PTPRD: variants seen among roughly 807,000 people sequenced by gnomAD.
PTPRD encodes protein tyrosine phosphatase receptor type D, also known as receptor-type tyrosine-protein phosphatase delta.
PTPRD carries 34 observed loss-of-function variants against 214.5 expected under a neutral mutation model. The ratio of observed to expected loss-of-function variants is 0.16; its 90% CI spans 0.12 to 0.21. The LOEUF is 0.21. Among genes scored for constraint, PTPRD ranks in the 10% least tolerant of loss-of-function variants. The pLI, the probability that PTPRD is intolerant of heterozygous loss-of-function variation, is 1.00. For synonymous variants in PTPRD, 1,128 were observed against 845.7 expected (o/e 1.33, Z -5.79); for missense variants, 2,545 against 2,398.7 (o/e 1.06, Z -1.27).
rs1448535922 is a variant in PTPRD at position 8,331,766 on chromosome 9, C to CA, written c.5380-31dup. ...AGAAGGAAAGCCACATACCCGGCCG[C>CA]AAAGGAAGACGCCAGGAGGATTCAG... On this transcript the variant is annotated intron_variant, in intron 43 of 45. Coordinates refer to ENST00000381196, the MANE Select transcript of PTPRD (RefSeq NM_002839.4). 8 of 1,542,848 alleles carry CA rather than the reference C, an allele frequency of 5.2e-6. No homozygotes were observed. The Admixed American group carries it at 1.3e-4, about 24-fold the overall frequency.
intron 18 of PTPRD, chr9:8,524,639 G>T: frequency 2.1e-6 from 1 of 472,914 alleles, no homozygotes; most frequent in Middle Eastern, 5.5e-4. Context: ...TCAAACAAAT[G>T]CAAAGCACAG....
intron 9 of PTPRD, among the ~76,000 whole-genome samples, chr9:9,375,602 CA>C (rs1349940559): frequency 8.6e-5 from 13 of 151,884 alleles, no homozygotes; most frequent in Admixed American, 5.9e-4. Flanking sequence ...TCTCAAAAAA[CA>C]AACAAACAAA....
At chr9:10,287,864 A>C (rs1376513216) in intron 3 of PTPRD, among the ~76,000 whole-genome samples, 1 of 152,052 alleles carries the variant, frequency 6.6e-6, no homozygotes. Flanking sequence ...CAAAATGACC[A>C]ACATAGTGTT....
At chr9:10,243,180 G>C (rs1016873815) in intron 3 of PTPRD, among the ~76,000 whole-genome samples, 4 of 152,006 alleles carry the variant, frequency 2.6e-5, no homozygotes, top group South Asian at 4.2e-4. Flanking sequence ...CTTCATTACT[G>C]TCTTGCTTAT....
chr9:9,343,122 C>A (rs2047462378), intron 9 of PTPRD, among the ~76,000 whole-genome samples: 1 of 152,140 alleles, frequency 6.6e-6, no homozygotes, highest in South Asian at 2.1e-4. Flanking sequence ...TTTCTTCATC[C>A]AGTCTATCAC....
intron 2 of PTPRD, among the ~76,000 whole-genome samples, chr9:10,497,070 T>A (rs1370458206): frequency 2.0e-5 from 3 of 151,910 alleles, no homozygotes; most frequent in Non-Finnish European, 2.9e-5. Context: ...TACCTTATGT[T>A]CTTACTTATA....
intron 2 of PTPRD, among the ~76,000 whole-genome samples, chr9:10,574,153 G>C (rs1322313): frequency 0.15 from 22,916 of 151,972 alleles, 2,265 homozygotes; most frequent in East Asian, 0.49. Context: ...CAATGATTTT[G>C]TAACTACCTC....
chr9:8,354,973 C>T (rs2076596967), intron 39 of PTPRD, among the ~76,000 whole-genome samples: 1 of 152,164 alleles, frequency 6.6e-6, no homozygotes, highest in Admixed American at 6.5e-5. Flanking sequence ...TAAAGCACTG[C>T]CAAAATAGGT....
At chr9:10,449,095 G>A (rs1566106511) in intron 2 of PTPRD, among the ~76,000 whole-genome samples, 1 of 149,824 alleles carries the variant, frequency 6.7e-6, no homozygotes, top group Admixed American at 6.6e-5. Flanking sequence ...GCCCAGCCGA[G>A]GCTGGACTGT....
intron 9 of PTPRD, among the ~76,000 whole-genome samples, chr9:9,195,015 G>C (rs2099937481): frequency 1.4e-5 from 2 of 140,268 alleles, no homozygotes; most frequent in Non-Finnish European, 3.2e-5. Flanking sequence ...AGATACCTAT[G>C]GTATATATGT....
chr9:10,060,880 C>T (rs987283592), intron 3 of PTPRD, among the ~76,000 whole-genome samples: 28 of 73,028 alleles, frequency 3.8e-4, no homozygotes, highest in African/African-American at 2.9e-3. Flanking sequence ...TTCCTTCCTT[C>T]CTTCCTTCCT....
At chr9:10,237,770 A>G (rs1025725338) in intron 3 of PTPRD, among the ~76,000 whole-genome samples, 2 of 151,954 alleles carry the variant, frequency 1.3e-5, no homozygotes, top group Non-Finnish European at 1.5e-5. Context: ...ACTGTCATTA[A>G]GGGGAACATG....
At chr9:9,311,453 C>A (rs1297327551) in intron 9 of PTPRD, among the ~76,000 whole-genome samples, 16 of 152,270 alleles carry the variant, frequency 1.1e-4, no homozygotes, top group Non-Finnish European at 2.4e-4. Context: ...ACTTCAGACA[C>A]AAGGCTACTG....
In PTPRD at chr9:8,341,940, T is replaced by A. The variant is rs1360063110; in HGVS notation, c.4700A>T (p.Asp1567Val). ...ATGCTTTATTCTTTCTAACATGGCA[T>A]CTATGACGATGAAGCAACCAGTCCG... ...VGRTGCFIVIDAMLERIKHEK... is the reference protein window; with the variant it reads ...VGRTGCFIVIVAMLERIKHEK... Residue 1567 changes from aspartate to valine, a missense_variant, in exon 40 of 46, where the codon GAT becomes GTT. By Grantham distance (152) the Asp-to-Val change is radical. Transcript: ENST00000381196. The A allele has an allele frequency of 1.9e-6, 3 of 1,612,524 alleles. No homozygotes were observed. The highest frequency in any genetic ancestry group is 2.5e-6 in the Non-Finnish European group (3 of 1,179,410).
intron 3 of PTPRD, among the ~76,000 whole-genome samples, chr9:10,232,151 CT>C (rs2099613691): frequency 6.6e-6 from 1 of 151,736 alleles, no homozygotes; most frequent in Non-Finnish European, 1.5e-5. Flanking sequence ...TCACCAGAAG[CT>C]GAGGAGATGA....
intron 12 of PTPRD, among the ~76,000 whole-genome samples, chr9:8,655,560 G>A (rs377359339): frequency 6.6e-6 from 1 of 152,102 alleles, no homozygotes; most frequent in African/African-American, 2.4e-5. Flanking sequence ...ATATGAAGGT[G>A]TGTATAGAAA....
At chr9:8,390,017 G>A (rs1340101058) in intron 36 of PTPRD, among the ~76,000 whole-genome samples, 3 of 152,112 alleles carry the variant, frequency 2.0e-5, no homozygotes, top group Non-Finnish European at 2.9e-5. Flanking sequence ...TAGGCTACTC[G>A]TATGTGTCTT....
chr9:8,904,845 T>C (rs1404064944), intron 11 of PTPRD, among the ~76,000 whole-genome samples: 1 of 152,168 alleles, frequency 6.6e-6, no homozygotes, highest in Non-Finnish European at 1.5e-5. Context: ...ATAATTGAGG[T>C]AAAAATCAAC....
intron 11 of PTPRD, among the ~76,000 whole-genome samples, chr9:8,802,223 C>T (rs2096586097): frequency 6.6e-6 from 1 of 152,146 alleles, no homozygotes; most frequent in African/African-American, 2.4e-5. Flanking sequence ...TTCCCCCACA[C>T]CCTGTTATAG....
Sources: gnomAD v4.1 joint callset for allele counts (sites outside exome capture counted in the v4.1 genomes callset) on GRCh38, gnomAD v4.1.1 for gene constraint, MANE v1.5 for transcripts, NCBI Gene and HGNC (gene_info 2026-07-23, HGNC 2026-07-21) for gene names.